Variants in TSHZ1 observed in about 807,000 individuals in gnomAD.
TSHZ1 encodes the protein teashirt homolog 1.
TSHZ1 carries 12 observed loss-of-function variants against 67.1 expected under a neutral mutation model. The observed-to-expected ratio is 0.18, with a 90% CI of 0.11 to 0.29. TSHZ1 has a LOEUF of 0.29. Ranked by LOEUF, TSHZ1 falls within the 10% of genes least tolerant of loss-of-function variation. The pLI, the probability that TSHZ1 is intolerant of heterozygous loss-of-function variation, is 1.00. For synonymous variants in TSHZ1, 632 were observed against 622.4 expected (o/e 1.02, Z -0.23); for missense variants, 1,305 against 1,413.9 (o/e 0.92, Z 1.23).
At chr18:75,260,491 C>T (rs569940859) in intron 1 of TSHZ1, among the ~76,000 whole-genome samples, 2 of 152,336 alleles carry the variant, frequency 1.3e-5, no homozygotes, top group South Asian at 4.1e-4. Flanking sequence ...TTGGAATATG[C>T]AGAAGAGCAC....
intron 1 of TSHZ1, among the ~76,000 whole-genome samples, chr18:75,264,893 A>G (rs970512427): frequency 3.3e-5 from 5 of 152,250 alleles, no homozygotes; most frequent in Admixed American, 1.3e-4. Context: ...GCTTTAGGCA[A>G]AGATGTACTA....
intron 1 of TSHZ1, among the ~76,000 whole-genome samples, chr18:75,282,567 C>T (rs1474606594): frequency 1.3e-5 from 2 of 152,154 alleles, no homozygotes; most frequent in African/African-American, 2.4e-5. Context: ...ACAGGGCCGT[C>T]GTCCAACAGA....
At chr18:75,248,960 G>C (rs1245786579) in intron 1 of TSHZ1, among the ~76,000 whole-genome samples, 3 of 152,200 alleles carry the variant, frequency 2.0e-5, no homozygotes, top group Non-Finnish European at 4.4e-5. Context: ...ACCTCCGCGT[G>C]GGAGGAGGCC....
chr18:75,257,829 G>C (rs958502811), intron 1 of TSHZ1, among the ~76,000 whole-genome samples: 1 of 152,160 alleles, frequency 6.6e-6, no homozygotes, highest in Admixed American at 6.5e-5. Flanking sequence ...CCATCCCCTA[G>C]CTCTGTGAGC....
intron 1 of TSHZ1, among the ~76,000 whole-genome samples, chr18:75,274,299 A>G (rs2023590513): frequency 6.6e-6 from 1 of 152,138 alleles, no homozygotes; most frequent in African/African-American, 2.4e-5. Flanking sequence ...TACTGCAGTT[A>G]CCATTTTCAA....
At position 75,286,741 on chromosome 18, in the gene TSHZ1, C is replaced by G. The variant is rs772789282; in HGVS notation, c.1334C>G (p.Thr445Ser). 1.2e-6 allele frequency: 2 copies of G among 1,613,610 alleles called. No individual in the cohort carries two copies. The highest frequency in any genetic ancestry group is 2.2e-5 in the South Asian group (2 of 91,080). ...GTCACCGGGCACTTCCTGAAAGTGA[C>G]CACCTCGGCTTCTAAGAAGGGCAAG... is the stretch of plus-strand genomic sequence containing the variant. ...MMVTGHFLKVTTSASKKGKQL... is the reference protein window; with the variant it reads ...MMVTGHFLKVSTSASKKGKQL... Residue 445 changes from threonine to serine, a missense_variant, in exon 2 of 2, where the codon ACC becomes AGC. Physicochemically the swap from Thr to Ser is moderately conservative, Grantham distance 58 (BLOSUM62 1). Around this residue, in one of 3 missense-constraint regions of TSHZ1, gnomAD observed 909 missense variants for 961.8 expected, o/e 0.95. Transcript: ENST00000580243. This position sits in a 1 kb window ranked among gnomAD's most constrained non-coding sequence, Gnocchi z 5.1.
At chr18:75,252,659 A>G (rs1392576360) in intron 1 of TSHZ1, among the ~76,000 whole-genome samples, 1 of 152,160 alleles carries the variant, frequency 6.6e-6, no homozygotes, top group African/African-American at 2.4e-5. Flanking sequence ...TCTAAATGCC[A>G]TTTATTTAAA....
chr18:75,213,638 A>G (rs1465633095), intron 1 of TSHZ1, among the ~76,000 whole-genome samples: 1 of 146,064 alleles, frequency 6.8e-6, no homozygotes, highest in East Asian at 2.0e-4. Flanking sequence ...TTTTTTTTTT[A>G]AATAAAAGGT....
At chr18:75,278,036 C>T (rs1239392514) in intron 1 of TSHZ1, among the ~76,000 whole-genome samples, 2 of 151,856 alleles carry the variant, frequency 1.3e-5, no homozygotes, top group Non-Finnish European at 2.9e-5. Flanking sequence ...CCTTCTGCCA[C>T]GCTAAGGGGG....
intron 1 of TSHZ1, among the ~76,000 whole-genome samples, chr18:75,241,932 A>C (rs2023161725): frequency 6.9e-6 from 1 of 144,014 alleles, no homozygotes; most frequent in African/African-American, 2.6e-5. Context: ...TGGACTTAGG[A>C]CCCATCCTGA....
At chr18:75,220,246 G>A (rs893790260) in intron 1 of TSHZ1, among the ~76,000 whole-genome samples, 1 of 152,152 alleles carries the variant, frequency 6.6e-6, no homozygotes, top group Non-Finnish European at 1.5e-5. Context: ...TTTTGCGTGT[G>A]TGCCTATTTT....
At chr18:75,257,882 G>T (rs1249042983) in intron 1 of TSHZ1, among the ~76,000 whole-genome samples, 4 of 152,196 alleles carry the variant, frequency 2.6e-5, no homozygotes, top group Non-Finnish European at 5.9e-5. Flanking sequence ...AAATGATAGA[G>T]CTGTTGTGTG....
intron 1 of TSHZ1, among the ~76,000 whole-genome samples, chr18:75,275,484 G>A (rs761433109): frequency 2.0e-5 from 3 of 152,176 alleles, no homozygotes; most frequent in Non-Finnish European, 4.4e-5. Flanking sequence ...CTTAATCTGC[G>A]TTACGTTTCT....
At chr18:75,259,550 A>G (rs1317188217) in intron 1 of TSHZ1, among the ~76,000 whole-genome samples, 2 of 152,170 alleles carry the variant, frequency 1.3e-5, no homozygotes, top group Non-Finnish European at 2.9e-5. Context: ...TTGGTTATCA[A>G]ATCAACAGAT....
At chr18:75,239,653 AC>A (rs1438327080) in intron 1 of TSHZ1, among the ~76,000 whole-genome samples, 2 of 152,110 alleles carry the variant, frequency 1.3e-5, no homozygotes, top group Admixed American at 1.3e-4. Flanking sequence ...GATGTGTCCT[AC>A]CACACTCAGC....
chr18:75,235,134 G>A (rs149312522), intron 1 of TSHZ1, among the ~76,000 whole-genome samples: 41 of 152,238 alleles, frequency 2.7e-4, no homozygotes, highest in Non-Finnish European at 4.7e-4. Flanking sequence ...GGTTTAATCA[G>A]CACAGCCTTC....
At chr18:75,272,832 C>T (rs1249976196) in intron 1 of TSHZ1, among the ~76,000 whole-genome samples, 1 of 152,142 alleles carries the variant, frequency 6.6e-6, no homozygotes, top group Non-Finnish European at 1.5e-5. Flanking sequence ...TACCTTTCTC[C>T]TATGTAGACA....
chr18:75,254,673 G>GA (rs573933329), intron 1 of TSHZ1, among the ~76,000 whole-genome samples: 15 of 152,238 alleles, frequency 9.9e-5, no homozygotes, highest in Admixed American at 9.8e-4. Flanking sequence ...AGAAGAGAAG[G>GA]AAAAAAACTA....
In TSHZ1 at chr18:75,211,438, C is replaced by G. The variant is rs922872820; in HGVS notation, c.-439C>G. 2.6e-5 allele frequency: 4 copies of G among 151,414 alleles called. No homozygotes were observed. The highest frequency in any genetic ancestry group is 9.7e-5 in the African/African-American group (4 of 41,308). The allele number at this position is 151,414 out of a possible 1,614,324, so 9.4% of individuals were successfully genotyped here. ...AGAGAAAGTTGCGCTCGGCGACTCT[C>G]GGCTCGCGGAAGAAGGCGCAGGGGA... On this transcript the variant is annotated 5_prime_UTR_variant, in exon 1 of 2. Coordinates refer to ENST00000580243, the MANE Select transcript of TSHZ1 (RefSeq NM_001308210.2).
Sources: gnomAD v4.1 joint callset for allele counts (sites outside exome capture counted in the v4.1 genomes callset) on GRCh38, gnomAD v4.1.1 for gene constraint, gnomAD v4.1.1 regional missense constraint, Gnocchi (gnomAD v3.1) non-coding constraint, MANE v1.5 for transcripts, NCBI Gene and HGNC (gene_info 2026-07-23, HGNC 2026-07-21) for gene names.